The following UBE2B variants were observed in gnomAD, a reference collection of about 807,000 sequenced individuals.
UBE2B encodes ubiquitin conjugating enzyme E2 B, also known as ubiquitin-conjugating enzyme E2 B.
A neutral mutation model predicts 24.6 loss-of-function variants in UBE2B; 11 were observed. That is an observed-to-expected ratio of 0.45 (90% CI 0.28 to 0.74). The LOEUF (loss-of-function observed/expected upper bound fraction) is 0.74. Ranked by LOEUF, UBE2B falls within the 30% of genes least tolerant of loss-of-function variation. UBE2B has a pLI of 0.13. For synonymous variants in UBE2B, 68 were observed against 62.4 expected (o/e 1.09, Z -0.42); for missense variants, 78 against 185.6 (o/e 0.42, Z 3.37).
intron 4 of UBE2B, among the ~76,000 whole-genome samples, chr5:134,384,351 T>G (rs1758762241): frequency 6.6e-6 from 1 of 152,138 alleles, no homozygotes; most frequent in East Asian, 1.9e-4. Flanking sequence ...TCTAGCTGCC[T>G]TTTTTGCTTT....
intron 1 of UBE2B, among the ~76,000 whole-genome samples, chr5:134,372,264 C>T (rs1337388273): frequency 6.6e-6 from 1 of 152,192 alleles, no homozygotes; most frequent in African/African-American, 2.4e-5. Context: ...ACCCCGGCTG[C>T]CAGTGCTTTC....
chr5:134,371,789 T>A, intron 1 of UBE2B, 150 bp downstream of exon 1: 1 of 1,210,566 alleles, frequency 8.3e-7, no homozygotes, highest in Non-Finnish European at 1.2e-6. Context: ...GCCTCGGCCC[T>A]ACTCCCATAA....
At position 134,379,646 on chromosome 5, in the gene UBE2B, CAAAAAAAA is replaced by C. The variant is rs1222816195; in HGVS notation, c.152-1062_152-1055del. On this transcript the variant is annotated intron_variant, in intron 3 of 5. Transcript: ENST00000265339. The stretch of plus-strand genomic sequence containing the variant: ...GGGCAACAGTGAGACTCTGTCTCAA[CAAAAAAAA>C]AAAAAAAAAAGGAAGAAAGAAAGAA... Among the ~76,000 whole-genome samples, 60 of 75,242 alleles carry C rather than the reference CAAAAAAAA, an allele frequency of 8.0e-4. No individual in the cohort carries two copies. The East Asian group carries it at 0.022, about 27-fold the overall frequency. The allele number at this position is 75,242 out of a possible 152,430, so 49.4% of individuals were successfully genotyped here.
chr5:134,371,781 C>A, intron 1 of UBE2B, 142 bp downstream of exon 1: 1 of 1,249,630 alleles, frequency 8.0e-7, no homozygotes, highest in Admixed American at 2.2e-5. Flanking sequence ...GGGTCCTAGC[C>A]TCGGCCCTAC....
intron 5 of UBE2B, among the ~76,000 whole-genome samples, chr5:134,389,415 G>C (rs1246722266): frequency 6.6e-6 from 1 of 152,006 alleles, no homozygotes; most frequent in Non-Finnish European, 1.5e-5. Flanking sequence ...GGAAAATGTT[G>C]GTTACTGAGA....
At chr5:134,377,448 A>G (rs1758627714) in intron 3 of UBE2B, among the ~76,000 whole-genome samples, 1 of 152,240 alleles carries the variant, frequency 6.6e-6, no homozygotes, top group Non-Finnish European at 1.5e-5. Context: ...GGATTCTGGA[A>G]TATGTACCTG....
At chr5:134,387,994 G>A (rs545538917) in intron 4 of UBE2B, 73 of 280,546 alleles carry the variant, frequency 2.6e-4, no homozygotes, top group African/African-American at 1.6e-3. Context: ...GTAGAGATGG[G>A]GTTTCACTGT....
intron 5 of UBE2B, among the ~76,000 whole-genome samples, chr5:134,389,551 C>CTTTTTTTTTTTT (rs985767264): frequency 1.4e-5 from 2 of 139,476 alleles, no homozygotes; most frequent in Non-Finnish European, 1.6e-5. Flanking sequence ...TTTCTTTTTT[C>CTTTTTTTTTTTT]TTTTTTTTTT....
At chr5:134,376,362 T>TATATATATATATATATATATAC (rs1183340869) in intron 2 of UBE2B, among the ~76,000 whole-genome samples, 2 of 89,482 alleles carry the variant, frequency 2.2e-5, no homozygotes, top group Admixed American at 1.4e-4. Flanking sequence ...TATATATATA[T>TATATATATATATATATATATAC]ATACACATAT....
intron 3 of UBE2B, among the ~76,000 whole-genome samples, chr5:134,380,070 C>G (rs1758684381): frequency 6.6e-6 from 1 of 152,096 alleles, no homozygotes; most frequent in African/African-American, 2.4e-5. Flanking sequence ...CACCCCCATA[C>G]CCAGCTCATT....
At chr5:134,374,987 TA>T (rs1426516067) in intron 2 of UBE2B, among the ~76,000 whole-genome samples, 1 of 152,228 alleles carries the variant, frequency 6.6e-6, no homozygotes, top group African/African-American at 2.4e-5. Context: ...ATATAAAGTT[TA>T]TTTGCTCTTT....
chr5:134,377,266 A>G (rs1407994903), intron 3 of UBE2B, among the ~76,000 whole-genome samples: 1 of 152,340 alleles, frequency 6.6e-6, no homozygotes, highest in Non-Finnish European at 1.5e-5. Flanking sequence ...ACTTTTCCCA[A>G]TTGTAGTGTT....
At chr5:134,389,558 T>C (rs1285228141) in intron 5 of UBE2B, among the ~76,000 whole-genome samples, 1 of 151,636 alleles carries the variant, frequency 6.6e-6, no homozygotes, top group Non-Finnish European at 1.5e-5. Flanking sequence ...TTTCTTTTTT[T>C]TTTTTTTGAG....
At chr5:134,371,686 G>T (rs1176042034) in intron 1 of UBE2B, 47 bp downstream of exon 1, 1 of 1,612,122 alleles carries the variant, frequency 6.2e-7, no homozygotes, top group Non-Finnish European at 8.5e-7. Flanking sequence ...CAAAGCTGCG[G>T]GGCTGCAGGG....
intron 5 of UBE2B, chr5:134,388,838 AG>A: frequency 3.2e-6 from 1 of 312,080 alleles, no homozygotes; most frequent in African/African-American, 2.2e-5. Context: ...AAAATTTAGG[AG>A]GGGTGGAGTG....
intron 3 of UBE2B, among the ~76,000 whole-genome samples, chr5:134,379,579 GAGGCTGCAGTA>G (rs895840282): frequency 1.1e-4 from 16 of 150,008 alleles, no homozygotes; most frequent in African/African-American, 3.9e-4. Context: ...CCAGGAGACG[GAGGCTGCAGTA>G]AGCTGAGATG....
At chr5:134,374,564 G>A in intron 2 of UBE2B, 101 bp downstream of exon 2, 1 of 1,269,920 alleles carries the variant, frequency 7.9e-7, no homozygotes, top group South Asian at 1.3e-5. Flanking sequence ...TGGAATGAGA[G>A]ATCTTAAGGA....
chr5:134,380,649 A>C (rs2149691860), intron 3 of UBE2B, 70 bp from the exon 4 acceptor site: 1 of 882,732 alleles, frequency 1.1e-6, no homozygotes, highest in East Asian at 2.6e-5. Flanking sequence ...ACCAGTATGC[A>C]GTTGAGAACT....
chr5:134,377,723 T>C (rs1349125289), intron 3 of UBE2B, among the ~76,000 whole-genome samples: 1 of 152,124 alleles, frequency 6.6e-6, no homozygotes, highest in Non-Finnish European at 1.5e-5. Flanking sequence ...GGAGACCCTC[T>C]CGGGGGACCC....
Sources: allele counts gnomAD v4.1 joint callset (sites outside exome capture counted in the v4.1 genomes callset), GRCh38; gene constraint gnomAD v4.1.1; transcripts MANE v1.5; gene names NCBI Gene and HGNC (gene_info 2026-07-23, HGNC 2026-07-21).